The following CEP112 variants were observed in gnomAD, a reference collection of about 807,000 sequenced individuals.
CEP112 encodes centrosomal protein of 112 kDa.
In CEP112, 127 loss-of-function variants were observed where a neutral mutation model predicts 153.0. The observed-to-expected ratio is 0.83, with a 90% CI of 0.72 to 0.96. CEP112 has a LOEUF of 0.96. CEP112 is among the 40% of genes least tolerant of loss of function. The pLI is 0.00. For synonymous variants in CEP112, 358 were observed against 374.4 expected (o/e 0.96, Z 0.51); for missense variants, 1,089 against 1,101.2 (o/e 0.99, Z 0.16).
At chr17:66,171,131 A>G (rs1324099281) in intron 4 of CEP112, among the ~76,000 whole-genome samples, 3 of 152,218 alleles carry the variant, frequency 2.0e-5, no homozygotes, top group African/African-American at 7.2e-5. Flanking sequence ...GAAAGGTGCC[A>G]TCTCTACTGA....
At chr17:65,942,396 C>CT (rs1050200760) in intron 18 of CEP112, among the ~76,000 whole-genome samples, 1 of 152,076 alleles carries the variant, frequency 6.6e-6, no homozygotes, top group African/African-American at 2.4e-5. Context: ...AGTATAGGTG[C>CT]TTATTTTTTT....
chr17:66,178,194 G>A (rs1479364460), intron 2 of CEP112, among the ~76,000 whole-genome samples: 4 of 152,182 alleles, frequency 2.6e-5, no homozygotes, highest in African/African-American at 9.6e-5. Flanking sequence ...GTGTAGGAGA[G>A]TTACCTTTTC....
At chr17:65,832,263 C>G (rs918416386) in intron 21 of CEP112, among the ~76,000 whole-genome samples, 2 of 151,922 alleles carry the variant, frequency 1.3e-5, no homozygotes, top group Admixed American at 1.3e-4. Flanking sequence ...AAATTAACAA[C>G]CTAACATCAC....
chr17:65,976,735 C>CTTTTTTT (rs771108755), intron 17 of CEP112, among the ~76,000 whole-genome samples: 13 of 85,348 alleles, frequency 1.5e-4, no homozygotes, highest in South Asian at 3.0e-4. Flanking sequence ...ATAACTTTTT[C>CTTTTTTT]TTTTTTTTTT....
chr17:66,080,334 C>T (rs532515880), intron 8 of CEP112, among the ~76,000 whole-genome samples: 1 of 152,226 alleles, frequency 6.6e-6, no homozygotes, highest in East Asian at 1.9e-4. Flanking sequence ...CAAACAACCC[C>T]ATCAAAAAGT....
chr17:65,833,022 G>A (rs11658028), intron 21 of CEP112, among the ~76,000 whole-genome samples: 2,136 of 152,118 alleles, frequency 0.014, 20 homozygotes, highest in Non-Finnish European at 0.021. Context: ...TCAAGTAGAC[G>A]TCATCCCCAG....
intron 8 of CEP112, among the ~76,000 whole-genome samples, chr17:66,077,382 T>C (rs770710337): frequency 2.6e-5 from 4 of 152,078 alleles, no homozygotes; most frequent in East Asian, 1.9e-4. Flanking sequence ...CAGGAAAACA[T>C]TGGACACACT....
chr17:66,155,480 C>T (rs1193757125), intron 4 of CEP112, among the ~76,000 whole-genome samples: 5 of 151,808 alleles, frequency 3.3e-5, no homozygotes, highest in Non-Finnish European at 2.9e-5. Flanking sequence ...GGGCAGACAT[C>T]GAGATAGCTG....
intron 21 of CEP112, among the ~76,000 whole-genome samples, chr17:65,811,307 T>C (rs1423792403): frequency 6.6e-6 from 1 of 152,074 alleles, no homozygotes; most frequent in Non-Finnish European, 1.5e-5. Flanking sequence ...AGCTGAGAAG[T>C]GAAAACATGA....
intron 21 of CEP112, among the ~76,000 whole-genome samples, chr17:65,756,850 G>C (rs547604591): frequency 4.6e-5 from 7 of 152,154 alleles, no homozygotes; most frequent in Non-Finnish European, 8.8e-5. Context: ...AGCTTTCCTA[G>C]AGACATGTCC....
chr17:66,177,808 A>G (rs117412905), intron 2 of CEP112, among the ~76,000 whole-genome samples: 5,187 of 152,192 alleles, frequency 0.034, 130 homozygotes, highest in Middle Eastern at 0.061. Flanking sequence ...GTAAGAATAT[A>G]TGAAGATTGT....
chr17:65,814,374 A>G (rs2056149288), intron 21 of CEP112, among the ~76,000 whole-genome samples: 1 of 152,144 alleles, frequency 6.6e-6, no homozygotes, highest in Admixed American at 6.6e-5. Context: ...TATTGTTACC[A>G]TGTGGATAAT....
At chr17:65,719,785 G>A (rs886546484) in intron 23 of CEP112, among the ~76,000 whole-genome samples, 1 of 152,220 alleles carries the variant, frequency 6.6e-6, no homozygotes, top group Admixed American at 6.5e-5. Flanking sequence ...AGCACTGGTA[G>A]AGGGTGTGAG....
chr17:65,884,664 G>A lies in CEP112; in HGVS notation c.2163+17488C>T, dbSNP rs930531302. Among the ~76,000 whole-genome samples the A allele has an allele frequency of 1.3e-4, 19 of 150,794 alleles. No individual in the cohort carries two copies. The East Asian group carries it at 3.5e-3, about 28-fold the overall frequency. On this transcript the variant is annotated intron_variant, in intron 20 of 26. Transcript: ENST00000535342. ...TGCAAATTTAAAACTATACATATTCGGAATTTATTCCAACTATAGTTTGGA... is the reference window on the plus strand; with the variant it reads ...TGCAAATTTAAAACTATACATATTCAGAATTTATTCCAACTATAGTTTGGA...
intron 17 of CEP112, among the ~76,000 whole-genome samples, chr17:65,978,107 A>G (rs1272016226): frequency 6.6e-6 from 1 of 151,856 alleles, no homozygotes; most frequent in Non-Finnish European, 1.5e-5. Context: ...AAATAAAATA[A>G]TTAGCCAGGC....
At chr17:65,639,497 G>A (rs967474986) in intron 25 of CEP112, among the ~76,000 whole-genome samples, 4 of 151,788 alleles carry the variant, frequency 2.6e-5, no homozygotes, top group South Asian at 2.1e-4. Flanking sequence ...CCAAGATAGC[G>A]AAACCCTGTC....
At chr17:66,131,557 C>A (rs1464822712) in intron 5 of CEP112, among the ~76,000 whole-genome samples, 1 of 151,492 alleles carries the variant, frequency 6.6e-6, no homozygotes, top group Non-Finnish European at 1.5e-5. Context: ...CTGACTAACA[C>A]AGTGAAACCC....
chr17:65,759,284 T>TA (rs1299424505), intron 21 of CEP112, among the ~76,000 whole-genome samples: 1 of 152,056 alleles, frequency 6.6e-6, no homozygotes, highest in Non-Finnish European at 1.5e-5. Flanking sequence ...GTCTATGGAG[T>TA]AACCATTCTT....
chr17:65,925,207 C>T (rs2060880945), intron 19 of CEP112, among the ~76,000 whole-genome samples: 1 of 152,176 alleles, frequency 6.6e-6, no homozygotes, highest in Non-Finnish European at 1.5e-5. Flanking sequence ...ATGGGAGTTC[C>T]CCTGCACAAG....
Sources: gnomAD v4.1 joint callset for allele counts (sites outside exome capture counted in the v4.1 genomes callset) on GRCh38, gnomAD v4.1.1 for gene constraint, MANE v1.5 for transcripts, NCBI Gene and HGNC (gene_info 2026-07-23, HGNC 2026-07-21) for gene names.